The following PEBP1 variants were observed in gnomAD, a reference collection of about 807,000 sequenced individuals.
PEBP1 encodes phosphatidylethanolamine-binding protein 1.
In PEBP1, 17 loss-of-function variants were observed where a neutral mutation model predicts 22.7. The observed-to-expected ratio is 0.75, with a 90% CI of 0.51 to 1.12. PEBP1 has a LOEUF of 1.12. Among genes scored for constraint, PEBP1 ranks in the 50% most tolerant of loss-of-function variants. PEBP1 has a pLI of 0.00. For synonymous variants in PEBP1, 106 were observed against 104.3 expected (o/e 1.02, Z -0.10); for missense variants, 205 against 243.5 (o/e 0.84, Z 1.05).
intron 3 of PEBP1, among the ~76,000 whole-genome samples, chr12:118,144,339 A>G (rs2034138120): frequency 1.3e-5 from 2 of 152,102 alleles, no homozygotes; most frequent in South Asian, 2.1e-4. Flanking sequence ...TGGGCTTGAC[A>G]CCAGTTACAG....
At position 118,144,578 on chromosome 12, in the gene PEBP1, C is replaced by A; in HGVS notation, c.347-8C>A. On this transcript the variant is annotated splice_region_variant and splice_polypyrimidine_tract_variant and intron_variant, in intron 3 of 3. Coordinates refer to ENST00000261313, the MANE Select transcript of PEBP1 (RefSeq NM_002567.4). ...GTGTGTACATCTTCCCTCTGCCTCTCCCCACAGGCCTCCACCGCTATGTCT... is the reference window on the plus strand; with the variant it reads ...GTGTGTACATCTTCCCTCTGCCTCTACCCACAGGCCTCCACCGCTATGTCT... 1.9e-6 allele frequency: 3 copies of A among 1,609,486 alleles called. No homozygotes were observed. Among genetic ancestry groups the A allele is most frequent in the Non-Finnish European group, 2.5e-6 (3 of 1,177,910 alleles).
At chr12:118,139,015 C>CT (rs2034091250) in intron 2 of PEBP1, 1 of 179,492 alleles carries the variant, frequency 5.6e-6, no homozygotes, top group African/African-American at 2.4e-5. Context: ...GTGCTGGCCT[C>CT]TAAGAAAGTG....
Position 118,139,563 on chromosome 12 carries a change from T to G in PEBP1, c.346+12T>G, listed in dbSNP as rs777701205. ...TCCCAAGGGCACAGGTTAGTAAAGGTTGTTTTTGGTGGGAGGTTGGGGAGG... is the reference window on the plus strand; with the variant it reads ...TCCCAAGGGCACAGGTTAGTAAAGGGTGTTTTTGGTGGGAGGTTGGGGAGG... On this transcript the variant is annotated intron_variant, in intron 3 of 3. Transcript: ENST00000261313. 6.3e-7 allele frequency: 1 copy of G among 1,577,430 alleles called. No homozygotes were observed.
chr12:118,143,002 C>A (rs2138088249), intron 3 of PEBP1, among the ~76,000 whole-genome samples: 1 of 151,238 alleles, frequency 6.6e-6, no homozygotes, highest in African/African-American at 2.4e-5. Flanking sequence ...AGGCTACCTA[C>A]CACATCCAGC....
chr12:118,144,188 G>C (rs1415430634), intron 3 of PEBP1, among the ~76,000 whole-genome samples: 2 of 152,008 alleles, frequency 1.3e-5, no homozygotes, highest in Non-Finnish European at 2.9e-5. Flanking sequence ...GTGTTCTGAT[G>C]GGGGGTGGTG....
At position 118,136,706 on chromosome 12, in the gene PEBP1, C is replaced by A; in HGVS notation, c.135+362C>A. Among the ~76,000 whole-genome samples the A allele has an allele frequency of 6.6e-6, 1 of 152,236 alleles. No individual in the cohort carries two copies. Among genetic ancestry groups the A allele is most frequent in the East Asian group, 1.9e-4 (1 of 5,196 alleles). On this transcript the variant is annotated intron_variant, in intron 1 of 3. Transcript: ENST00000261313. This position sits in a 1 kb window ranked among gnomAD's most constrained non-coding sequence, Gnocchi z 5.6. ...CCGGGACAGAGTAGGCTGTGGCTGC[C>A]CGGACGCCCCCAGAGCTTCCCCTAG...
chr12:118,137,998 C>A, intron 1 of PEBP1, 41 bp from the exon 2 acceptor site: 7 of 1,387,680 alleles, frequency 5.0e-6, no homozygotes, highest in Non-Finnish European at 6.1e-6. Flanking sequence ...GTTTCTTCAG[C>A]ATTTCTGACT....
chr12:118,144,492 G>C (rs2034138949), intron 3 of PEBP1, 94 bp from the exon 4 acceptor site: 2 of 1,187,790 alleles, frequency 1.7e-6, no homozygotes, highest in Non-Finnish European at 2.4e-6. Context: ...TGTGGTCTGG[G>C]TGCCTCCATG....
In PEBP1 at chr12:118,145,493, A is replaced by G. The variant is rs1029129274; in HGVS notation, c.*690A>G. 62 of 157,642 alleles carry G rather than the reference A, an allele frequency of 3.9e-4. No homozygotes were observed. Among genetic ancestry groups the G allele is most frequent in the Non-Finnish European group, 5.5e-4 (39 of 71,406 alleles). 9.8% of individuals were successfully genotyped at this position (157,642 alleles called of 1,614,324 possible). A position where few individuals can be genotyped will look rare whatever the true frequency, so the allele number is the denominator to read the frequency against. ...GTGTTTTTTAAATTGATCGTTCTTCATGGGGGTAAGAAAAGCTGGTCTGGA... is the reference window on the plus strand; with the variant it reads ...GTGTTTTTTAAATTGATCGTTCTTCGTGGGGGTAAGAAAAGCTGGTCTGGA... On this transcript the variant is annotated 3_prime_UTR_variant, in exon 4 of 4. Coordinates refer to ENST00000261313, the MANE Select transcript of PEBP1 (RefSeq NM_002567.4).
chr12:118,137,261 G>A (rs1231076621), intron 1 of PEBP1, among the ~76,000 whole-genome samples: 2 of 152,178 alleles, frequency 1.3e-5, no homozygotes, highest in Non-Finnish European at 2.9e-5. Flanking sequence ...GTTGAGAGGG[G>A]ACTCAGTGCC....
intron 3 of PEBP1, among the ~76,000 whole-genome samples, chr12:118,144,105 T>G (rs1284157458): frequency 6.6e-6 from 1 of 152,074 alleles, no homozygotes; most frequent in African/African-American, 2.4e-5. Context: ...GGCTCGACTG[T>G]GGTATGGTGG....
intron 2 of PEBP1, chr12:118,139,146 CTACTAAAAATACGAAAATTAG>C: frequency 3.1e-6 from 1 of 327,516 alleles, no homozygotes; most frequent in Non-Finnish European, 5.9e-6. Context: ...AACCCCGTCT[CTACTAAAAATACGAAAATTAG>C]CCAGGCATGA....
Position 118,136,473 on chromosome 12 carries a change from C to T in PEBP1, c.135+129C>T. On this transcript the variant is annotated intron_variant, in intron 1 of 3. Coordinates refer to ENST00000261313, the MANE Select transcript of PEBP1 (RefSeq NM_002567.4). This position sits in a 1 kb window ranked among gnomAD's most constrained non-coding sequence, Gnocchi z 5.6. ...TCAGCCTGCGTGTGTCGAGGCCCCC[C>T]CAGGCCAGAGGTCCCGGGGTCCATG... is the stretch of plus-strand genomic sequence containing the variant. 8.6e-7 allele frequency: 1 copy of T among 1,163,716 alleles called. No homozygotes were observed. Among genetic ancestry groups the T allele is most frequent in the Non-Finnish European group, 1.2e-6 (1 of 857,726 alleles). The allele number at this position is 1,163,716 out of a possible 1,614,324, so 72.1% of individuals were successfully genotyped here.
intron 2 of PEBP1, among the ~76,000 whole-genome samples, 190 bp downstream of exon 2, chr12:118,138,338 C>A (rs1047846528): frequency 1.3e-5 from 2 of 152,164 alleles, no homozygotes; most frequent in African/African-American, 4.8e-5. Context: ...GAGCCATATC[C>A]ACCTGTGGCC....
intron 3 of PEBP1, among the ~76,000 whole-genome samples, chr12:118,142,878 C>G: frequency 7.8e-6 from 1 of 128,224 alleles, no homozygotes; most frequent in Non-Finnish European, 1.6e-5. Context: ...CTTACTCTGT[C>G]CCCTAGGCTG....
In PEBP1 at chr12:118,136,687, C is replaced by T. The variant is rs148291643; in HGVS notation, c.135+343C>T. On this transcript the variant is annotated intron_variant, in intron 1 of 3. Transcript: ENST00000261313. The surrounding 1 kb of genome is among the most constrained non-coding windows in gnomAD (Gnocchi z 5.6). ...GCGCTGGAGAGGGACGTCGCCGGGACAGAGTAGGCTGTGGCTGCCCGGACG... is the reference window on the plus strand; with the variant it reads ...GCGCTGGAGAGGGACGTCGCCGGGATAGAGTAGGCTGTGGCTGCCCGGACG... Among the ~76,000 whole-genome samples, 925 of 152,342 alleles carry T rather than the reference C, an allele frequency of 6.1e-3. 7 individuals carry two copies. The highest frequency in any genetic ancestry group is 0.021 in the African/African-American group (889 of 41,578).
chr12:118,141,060 T>G (rs1007531944), intron 3 of PEBP1, among the ~76,000 whole-genome samples: 2 of 151,932 alleles, frequency 1.3e-5, no homozygotes, highest in Non-Finnish European at 2.9e-5. Context: ...CCTTTTTACT[T>G]AAATTCCCCC....
At chr12:118,142,259 C>T (rs918175697) in intron 3 of PEBP1, among the ~76,000 whole-genome samples, 9 of 146,434 alleles carry the variant, frequency 6.1e-5, no homozygotes, top group South Asian at 4.3e-4. Context: ...ATGGTGTGAT[C>T]GCGGCTCACT....
In PEBP1 at chr12:118,138,098, C is replaced by T; in HGVS notation, c.195C>T (p.Thr65=). 1 of 1,613,984 alleles carries T rather than the reference C, an allele frequency of 6.2e-7. No individual in the cohort carries two copies. The highest frequency in any genetic ancestry group is 1.1e-5 in the South Asian group (1 of 91,000). ...GTCTTGATTCAGGGAAGCTCTACAC[C>T]TTGGTCCTGACAGACCCGGATGCTC... ...WDGLDSGKLY[T]LVLTDPDAPS... is the part of the protein sequence containing the mutation. The change falls in exon 2 of 4, where the codon ACC becomes ACT. Residue 65 remains threonine (T), a synonymous_variant. Coordinates refer to ENST00000261313, the MANE Select transcript of PEBP1 (RefSeq NM_002567.4).
Sources: allele counts gnomAD v4.1 joint callset (sites outside exome capture counted in the v4.1 genomes callset), GRCh38; gene constraint gnomAD v4.1.1; non-coding constraint Gnocchi (gnomAD v3.1); transcripts MANE v1.5; gene names NCBI Gene and HGNC (gene_info 2026-07-23, HGNC 2026-07-21).